Variants in DHRSX observed in about 807,000 individuals in gnomAD.
DHRSX encodes the protein dehydrogenase/reductase X-linked, also known as polyprenol dehydrogenase.
In DHRSX, 31 loss-of-function variants were observed where a neutral mutation model predicts 34.0. The observed-to-expected ratio is 0.91, with a 90% CI of 0.69 to 1.23. The LOEUF is 1.23. Among genes scored for constraint, DHRSX ranks in the 50% most tolerant of loss-of-function variants. DHRSX has a pLI of 0.00. For synonymous variants in DHRSX, 201 were observed against 183.8 expected (o/e 1.09, Z -0.76); for missense variants, 414 against 428.1 (o/e 0.97, Z 0.29).
chrX:2,493,501 G>C (rs1436993620), intron 1 of DHRSX, among the ~76,000 whole-genome samples: 1 of 150,874 alleles, frequency 6.6e-6, no homozygotes, highest in Non-Finnish European at 1.5e-5. Flanking sequence ...GGCTGAAAGC[G>C]GTTCTGGAAC....
intron 1 of DHRSX, among the ~76,000 whole-genome samples, chrX:2,452,112 T>G (rs2044228385): frequency 6.6e-6 from 1 of 151,872 alleles, no homozygotes; most frequent in Non-Finnish European, 1.5e-5. Flanking sequence ...AGACGTTCAC[T>G]AAGCATACGG....
chrX:2,353,164 G>C (rs764122178), intron 3 of DHRSX, among the ~76,000 whole-genome samples: 1 of 152,230 alleles, frequency 6.6e-6, no homozygotes, highest in African/African-American at 2.4e-5. Flanking sequence ...AAGATTGCTT[G>C]AGCCCGGAGG....
intron 3 of DHRSX, among the ~76,000 whole-genome samples, chrX:2,329,303 T>C (rs2042428219): frequency 6.6e-6 from 1 of 152,068 alleles, no homozygotes; most frequent in Non-Finnish European, 1.5e-5. Flanking sequence ...TTTGGAGGAA[T>C]TCAAAAGAGG....
chrX:2,419,855 T>C (rs1248600354), intron 2 of DHRSX, among the ~76,000 whole-genome samples: 1 of 149,368 alleles, frequency 6.7e-6, no homozygotes, highest in Admixed American at 6.6e-5. Flanking sequence ...CATTAGGAGA[T>C]ATACCTAATG....
intron 1 of DHRSX, among the ~76,000 whole-genome samples, chrX:2,478,064 G>A (rs1409109234): frequency 6.6e-6 from 1 of 152,236 alleles, no homozygotes; most frequent in African/African-American, 2.4e-5. Context: ...TCTCTGATCT[G>A]GGTGGGGCTG....
intron 1 of DHRSX, among the ~76,000 whole-genome samples, chrX:2,496,921 A>G (rs2045300514): frequency 6.7e-6 from 1 of 149,610 alleles, no homozygotes; most frequent in Non-Finnish European, 1.5e-5. Flanking sequence ...AACAATAAAT[A>G]TATTACATAC....
At chrX:2,371,347 C>T (rs57501831) in intron 3 of DHRSX, among the ~76,000 whole-genome samples, 34 of 133,494 alleles carry the variant, frequency 2.5e-4, no homozygotes, top group Admixed American at 7.1e-4. Context: ...CTTCCGTTAC[C>T]ATAGTCCCTC....
chrX:2,484,399 G>T (rs1337068281), intron 1 of DHRSX, among the ~76,000 whole-genome samples: 1 of 152,072 alleles, frequency 6.6e-6, no homozygotes, highest in Non-Finnish European at 1.5e-5. Flanking sequence ...TCATGCCAAG[G>T]ACCTCCCGCA....
chrX:2,310,647 AAGAG>A (rs1479339380), intron 3 of DHRSX, among the ~76,000 whole-genome samples: 3 of 151,512 alleles, frequency 2.0e-5, no homozygotes, highest in African/African-American at 7.3e-5. Context: ...GTTATGGAGA[AAGAG>A]AGGGTGAGAA....
At chrX:2,327,309 C>T (rs935448532) in intron 3 of DHRSX, among the ~76,000 whole-genome samples, 1 of 152,220 alleles carries the variant, frequency 6.6e-6, no homozygotes, top group Non-Finnish European at 1.5e-5. Context: ...GGAAGCCTGA[C>T]TGTGGACATG....
chrX:2,362,242 T>C (rs2042942197), intron 3 of DHRSX, among the ~76,000 whole-genome samples: 1 of 152,156 alleles, frequency 6.6e-6, no homozygotes, highest in South Asian at 2.1e-4. Context: ...CTGCTGTCTG[T>C]AGCAACAACC....
At chrX:2,487,109 C>T (rs1286256568) in intron 1 of DHRSX, 1 of 152,190 alleles carries the variant, frequency 6.6e-6, no homozygotes, top group African/African-American at 2.4e-5. Context: ...AAAAGCAGTT[C>T]TACATGTTGG....
chrX:2,492,847 GT>G, intron 1 of DHRSX, among the ~76,000 whole-genome samples: 1 of 152,352 alleles, frequency 6.6e-6, no homozygotes, highest in East Asian at 1.9e-4. Context: ...ATAAGCTATG[GT>G]TTTAAGCCCT....
chrX:2,234,280 G>A (rs1569477725), intron 6 of DHRSX, among the ~76,000 whole-genome samples: 1 of 142,124 alleles, frequency 7.0e-6, no homozygotes, highest in Non-Finnish European at 1.5e-5. Flanking sequence ...CACACAGCTG[G>A]CTCCATGCAT....
At chrX:2,224,488 G>T (rs149450231) in intron 6 of DHRSX, among the ~76,000 whole-genome samples, 3,248 of 152,280 alleles carry the variant, frequency 0.021, 47 homozygotes, top group Non-Finnish European at 0.033. Flanking sequence ...TGTTGAAAAT[G>T]AGCTTGTGAT....
intron 4 of DHRSX, among the ~76,000 whole-genome samples, chrX:2,270,439 G>C (rs1196408202): frequency 6.6e-6 from 1 of 152,168 alleles, no homozygotes; most frequent in Non-Finnish European, 1.5e-5. Context: ...GAAGAGACAA[G>C]TGTGAAAAGA....
At chrX:2,381,363 AG>A (rs1569495583) in intron 3 of DHRSX, among the ~76,000 whole-genome samples, 2 of 152,180 alleles carry the variant, frequency 1.3e-5, no homozygotes, top group Non-Finnish European at 2.9e-5. Context: ...ACCAGGAAGC[AG>A]GTCCTCACCA....
At chrX:2,391,294 T>C (rs893646760) in intron 3 of DHRSX, among the ~76,000 whole-genome samples, 2 of 152,150 alleles carry the variant, frequency 1.3e-5, no homozygotes, top group African/African-American at 4.8e-5. Context: ...AGTTCAATAA[T>C]AAAGAAACTC....
intron 1 of DHRSX, among the ~76,000 whole-genome samples, chrX:2,427,908 T>C (rs943973505): frequency 2.0e-5 from 3 of 152,118 alleles, no homozygotes; most frequent in Non-Finnish European, 4.4e-5. Flanking sequence ...ATATATACCA[T>C]GGAATACTAC....
Sources: gnomAD v4.1 joint callset for allele counts (sites outside exome capture counted in the v4.1 genomes callset) on GRCh38, gnomAD v4.1.1 for gene constraint, MANE v1.5 for transcripts, NCBI Gene and HGNC (gene_info 2026-07-23, HGNC 2026-07-21) for gene names.